NEGR1: variants seen among roughly 807,000 people sequenced by gnomAD.
The protein encoded by NEGR1 is neuronal growth regulator 1.
Under a neutral mutation model 40.9 loss-of-function variants are expected in NEGR1, and 10 were observed. The ratio of observed to expected loss-of-function variants is 0.24; its 90% CI spans 0.15 to 0.42. The LOEUF is 0.42. NEGR1 is among the 10% of genes least tolerant of loss of function. The pLI is 1.00. For missense variants in NEGR1, 352 were observed against 438.9 expected, an observed-to-expected ratio of 0.80 and a Z score of 1.77; for synonymous variants, 185 against 166.8, an observed-to-expected ratio of 1.11 and a Z score of -0.84.
intron 2 of NEGR1, among the ~76,000 whole-genome samples, chr1:71,819,685 T>C (rs1000162622): frequency 6.6e-6 from 1 of 152,016 alleles, no homozygotes; most frequent in East Asian, 1.9e-4. Context: ...TGCTATCATA[T>C]GCATATCTTA....
chr1:71,626,466 G>T (rs535120476), intron 4 of NEGR1, among the ~76,000 whole-genome samples: 106 of 150,736 alleles, frequency 7.0e-4, no homozygotes, highest in African/African-American at 2.3e-3. Flanking sequence ...GCAGTGTTTG[G>T]TTTTTTGTCC....
At chr1:71,799,032 T>C (rs562009122) in intron 2 of NEGR1, among the ~76,000 whole-genome samples, 1 of 151,600 alleles carries the variant, frequency 6.6e-6, no homozygotes, top group Admixed American at 6.6e-5. Context: ...GGAAAAGATC[T>C]TGTATTGAAT....
intron 1 of NEGR1, 123 bp downstream of exon 1, chr1:72,282,196 G>T: frequency 8.7e-7 from 1 of 1,150,506 alleles, no homozygotes; most frequent in Non-Finnish European, 1.2e-6. Context: ...TTCTTGGGAT[G>T]TGGTCTTTCC....
chr1:71,521,721 C>A (rs1244463469), intron 6 of NEGR1, among the ~76,000 whole-genome samples: 3 of 151,832 alleles, frequency 2.0e-5, no homozygotes, highest in Non-Finnish European at 4.4e-5. Flanking sequence ...AACTCTTGTT[C>A]AAGGGATTAG....
chr1:71,738,974 T>C (rs1190003848), intron 3 of NEGR1, among the ~76,000 whole-genome samples: 2 of 151,928 alleles, frequency 1.3e-5, no homozygotes, highest in Non-Finnish European at 2.9e-5. Context: ...AAAAAGAGCC[T>C]CAAAGTGACT....
At chr1:71,548,429 T>A (rs1473711423) in intron 6 of NEGR1, among the ~76,000 whole-genome samples, 7 of 151,588 alleles carry the variant, frequency 4.6e-5, no homozygotes, top group Admixed American at 4.0e-4. Flanking sequence ...AGAGGTTCAG[T>A]CCTGAAGGCT....
chr1:71,729,018 C>T (rs1016940995), intron 3 of NEGR1, among the ~76,000 whole-genome samples: 7 of 151,994 alleles, frequency 4.6e-5, no homozygotes, highest in South Asian at 4.2e-4. Flanking sequence ...TTTTTTACCA[C>T]GGCTTAAAAC....
At chr1:72,218,673 C>CA (rs1217698590) in intron 1 of NEGR1, among the ~76,000 whole-genome samples, 2 of 151,492 alleles carry the variant, frequency 1.3e-5, no homozygotes, top group African/African-American at 4.8e-5. Context: ...CATCACAACA[C>CA]AGAGTACTGA....
chr1:72,064,575 T>C (rs1027659807), intron 1 of NEGR1, among the ~76,000 whole-genome samples: 5 of 152,070 alleles, frequency 3.3e-5, no homozygotes, highest in Non-Finnish European at 5.9e-5. Flanking sequence ...CCAAATACAG[T>C]CCTTGTTGTC....
chr1:71,635,657 G>A (rs1016060096), intron 4 of NEGR1, among the ~76,000 whole-genome samples: 6 of 152,020 alleles, frequency 3.9e-5, no homozygotes, highest in Non-Finnish European at 8.8e-5. Flanking sequence ...GCAGCTGTCT[G>A]GTAAACCTAA....
intron 1 of NEGR1, among the ~76,000 whole-genome samples, chr1:72,194,268 T>TA (rs1652923842): frequency 6.6e-6 from 1 of 151,922 alleles, no homozygotes; most frequent in Admixed American, 6.6e-5. Context: ...AAAAGGGAGC[T>TA]AATATTTTTG....
intron 2 of NEGR1, among the ~76,000 whole-genome samples, chr1:71,906,354 A>G (rs1353639300): frequency 6.6e-6 from 1 of 152,018 alleles, no homozygotes; most frequent in Admixed American, 6.6e-5. Context: ...TATCCATGTA[A>G]CCAAACACCA....
intron 2 of NEGR1, among the ~76,000 whole-genome samples, chr1:71,856,000 T>C (rs902712451): frequency 6.6e-6 from 1 of 152,034 alleles, no homozygotes; most frequent in Admixed American, 6.6e-5. Flanking sequence ...CAGTTATGTG[T>C]CTCAGCATGC....
At chr1:71,651,504 G>A (rs1262410842) in intron 4 of NEGR1, among the ~76,000 whole-genome samples, 1 of 151,986 alleles carries the variant, frequency 6.6e-6, no homozygotes, top group African/African-American at 2.4e-5. Context: ...TTAAAACCTT[G>A]CTTCTCTTCT....
chr1:71,979,272 T>G (rs1242150984), intron 1 of NEGR1, among the ~76,000 whole-genome samples: 2 of 152,136 alleles, frequency 1.3e-5, no homozygotes, highest in Non-Finnish European at 2.9e-5. Context: ...GCTTAGTACC[T>G]GGGTGATGAC....
At chr1:72,146,220 G>A (rs942361693) in intron 1 of NEGR1, among the ~76,000 whole-genome samples, 1 of 152,146 alleles carries the variant, frequency 6.6e-6, no homozygotes, top group Non-Finnish European at 1.5e-5. Context: ...TGCCACAAGT[G>A]TACAATAACT....
At chr1:72,091,512 AG>A (rs1411603432) in intron 1 of NEGR1, among the ~76,000 whole-genome samples, 1 of 150,802 alleles carries the variant, frequency 6.6e-6, no homozygotes, top group Non-Finnish European at 1.5e-5. Flanking sequence ...GACGTCTTCA[AG>A]TACATCACAG....
intron 6 of NEGR1, among the ~76,000 whole-genome samples, chr1:71,485,513 C>T (rs1646882201): frequency 6.6e-6 from 1 of 151,572 alleles, no homozygotes; most frequent in South Asian, 2.1e-4. Context: ...TGGACAAGTG[C>T]TTAATGATAA....
chr1:72,281,404 G>C (rs1656243257), intron 1 of NEGR1, among the ~76,000 whole-genome samples: 1 of 148,392 alleles, frequency 6.7e-6, no homozygotes, highest in Admixed American at 6.6e-5. Context: ...GTGCATGTGA[G>C]GATGTGAGAG....
Sources: allele counts gnomAD v4.1 joint callset (sites outside exome capture counted in the v4.1 genomes callset), GRCh38; gene constraint gnomAD v4.1.1; transcripts MANE v1.5; gene names NCBI Gene and HGNC (gene_info 2026-07-23, HGNC 2026-07-21).